Variants in GARS1 observed in about 807,000 individuals in gnomAD.
The protein encoded by GARS1 is glycine--tRNA ligase.
In GARS1, 46 loss-of-function variants were observed where a neutral mutation model predicts 86.4. That is an observed-to-expected ratio of 0.53 (90% CI 0.42 to 0.68). The LOEUF (loss-of-function observed/expected upper bound fraction) is 0.68. Among genes scored for constraint, GARS1 ranks in the 30% least tolerant of loss-of-function variants. GARS1 has a pLI of 0.00. For missense variants in GARS1, 797 were observed against 915.6 expected (o/e 0.87, Z 1.67); for synonymous variants, 342 against 329.8 (o/e 1.04, Z -0.40).
Position 30,616,056 on chromosome 7 carries a change from C to T in GARS1, c.1192C>T (p.Gln398Ter). 6.2e-7 allele frequency: 1 copy of T among 1,614,128 alleles called. No homozygotes were observed. The highest frequency in any genetic ancestry group is 8.5e-7 in the Non-Finnish European group (1 of 1,180,016). Reference protein sequence around the residue: ...RKMRLGDAVEQGVINNTVLGY... With the variant: ...RKMRLGDAVE ...AATGCGCCTGGGAGATGCTGTTGAACAGGTAGGATTCTGGAGGTAACTTAA... is the reference window on the plus strand; with the variant it reads ...AATGCGCCTGGGAGATGCTGTTGAATAGGTAGGATTCTGGAGGTAACTTAA... The change falls in exon 9 of 17, where the codon CAG becomes TAG. Residue 398 changes from glutamine to a stop codon, truncating the protein, a stop_gained and splice_region_variant. Transcript: ENST00000389266. LOFTEE classifies it high-confidence loss of function.
chr7:30,595,694 C>A, intron 1 of GARS1: 1 of 464,328 alleles, frequency 2.2e-6, no homozygotes, highest in Non-Finnish European at 4.5e-6. Flanking sequence ...TCATTCAGTG[C>A]TTAGTTTAGC....
intron 6 of GARS1, among the ~76,000 whole-genome samples, chr7:30,605,595 G>C (rs1791467444): frequency 6.6e-6 from 1 of 152,112 alleles, no homozygotes; most frequent in Non-Finnish European, 1.5e-5. Context: ...ATGGCTCACT[G>C]CAGCCAGGAC....
chr7:30,600,686 G>A (rs1182339812), intron 3 of GARS1, among the ~76,000 whole-genome samples: 1 of 152,132 alleles, frequency 6.6e-6, no homozygotes, highest in Non-Finnish European at 1.5e-5. Flanking sequence ...CAAATACCCA[G>A]GAAAAAATTA....
At chr7:30,600,170 A>G (rs1584023065) in intron 3 of GARS1, 121 bp downstream of exon 3, 1 of 759,232 alleles carries the variant, frequency 1.3e-6, no homozygotes, top group Non-Finnish European at 2.3e-6. Context: ...CAGAGGATGG[A>G]TGTTTTGCTT....
At chr7:30,628,744 T>C (rs1783180183) in intron 14 of GARS1, 75 bp downstream of exon 14, 2 of 890,646 alleles carry the variant, frequency 2.2e-6, no homozygotes, top group African/African-American at 1.7e-5. Context: ...TGAAGTACAT[T>C]AATAAGACTC....
chr7:30,601,003 C>T, intron 3 of GARS1, 56 bp from the exon 4 acceptor site: 1 of 1,555,622 alleles, frequency 6.4e-7, no homozygotes, highest in South Asian at 1.1e-5. Context: ...GTCTCCTTGC[C>T]TTCATTTGTT....
intron 14 of GARS1, chr7:30,631,118 T>C (rs946830724): frequency 3.3e-6 from 1 of 303,468 alleles, no homozygotes; most frequent in African/African-American, 2.2e-5. Flanking sequence ...TACAGTAGCT[T>C]TCAGAATGCT....
At chr7:30,607,112 G>T (rs1022987891) in intron 6 of GARS1, among the ~76,000 whole-genome samples, 5 of 152,186 alleles carry the variant, frequency 3.3e-5, no homozygotes, top group African/African-American at 1.2e-4. Context: ...TGCCAGCACT[G>T]TGTAGTCTTA....
chr7:30,608,805 T>C (rs1419895979), intron 6 of GARS1, among the ~76,000 whole-genome samples: 2 of 152,206 alleles, frequency 1.3e-5, no homozygotes, highest in Non-Finnish European at 2.9e-5. Context: ...ACTTAATCTT[T>C]AGTCACACAA....
intron 8 of GARS1, among the ~76,000 whole-genome samples, chr7:30,612,954 C>T (rs1322311968): frequency 1.3e-5 from 2 of 152,284 alleles, no homozygotes; most frequent in Non-Finnish European, 1.5e-5. Flanking sequence ...CTGGTATCAT[C>T]TCTTAGAGTA....
intron 13 of GARS1, among the ~76,000 whole-genome samples, chr7:30,626,663 C>G (rs1425515565): frequency 6.6e-6 from 1 of 152,180 alleles, no homozygotes; most frequent in Non-Finnish European, 1.5e-5. Context: ...CATTCCCTGT[C>G]TTCTTTGGCA....
At chr7:30,617,788 C>T (rs564689330) in intron 10 of GARS1, among the ~76,000 whole-genome samples, 1 of 152,322 alleles carries the variant, frequency 6.6e-6, no homozygotes, top group Non-Finnish European at 1.5e-5. Flanking sequence ...CAGGTACCCT[C>T]CTGCCCCTGT....
rs1379593914 is a variant in GARS1, at chr7:30,617,116, T to A, written c.1197T>A (p.Gly399=). Residue 399 remains glycine, a splice_region_variant and synonymous_variant, in exon 10 of 17, where the codon GGT becomes GGA. Coordinates refer to ENST00000389266, the MANE Select transcript of GARS1 (RefSeq NM_002047.4). The part of the protein sequence containing the change: ...KMRLGDAVEQ[G]VINNTVLGYF... ...TGCTTGCTTATTGGTTGGTTTAGGG[T>A]GTGATTAATAACACAGTATTAGGCT... 6.2e-7 allele frequency: 1 copy of A among 1,613,952 alleles called. No homozygotes were observed. The highest frequency in any genetic ancestry group is 8.5e-7 in the Non-Finnish European group (1 of 1,179,992).
intron 10 of GARS1, 53 bp downstream of exon 10, chr7:30,617,331 C>A: frequency 1.9e-6 from 3 of 1,581,824 alleles, no homozygotes; most frequent in Non-Finnish European, 2.6e-6. Context: ...CTTAGAAGCA[C>A]AGGTACCAAA....
At chr7:30,621,285 G>T (rs545308205) in intron 10 of GARS1, 108 bp from the exon 11 acceptor site, 2 of 908,848 alleles carry the variant, frequency 2.2e-6, no homozygotes, top group Admixed American at 1.8e-5. Flanking sequence ...TTATATCATC[G>T]AATTATCATT....
rs116391961 is a variant in GARS1, at chr7:30,629,184, G to T, written c.1809+515G>T. ...TAGGTCTGAGACCCAGGGATCTGGG[G>T]TTTTTTTAAAAAAAATAAGAATCCT... On this transcript the variant is annotated intron_variant, in intron 14 of 16. Coordinates refer to ENST00000389266, the MANE Select transcript of GARS1 (RefSeq NM_002047.4). Among the ~76,000 whole-genome samples, 1,065 of 152,122 alleles carry T rather than the reference G, an allele frequency of 7.0e-3. 3 individuals carry two copies. The highest frequency in any genetic ancestry group is 0.024 in the African/African-American group (1,000 of 41,470).
Position 30,621,476 on chromosome 7 carries a change from A to T in GARS1, c.1443A>T (p.Val481=). The part of the protein sequence containing the change: ...CHARATKVPL[V]AEKPLKEPKT... ...CACGAGCCACCAAAGTCCCACTTGTAGCTGAGAAACCTCTGAAAGAACCCA... is the reference window on the plus strand; with the variant it reads ...CACGAGCCACCAAAGTCCCACTTGTTGCTGAGAAACCTCTGAAAGAACCCA... The change falls in exon 11 of 17, where the codon GTA becomes GTT. Residue 481 remains valine, a synonymous_variant. Transcript: ENST00000389266. 1 of 1,614,166 alleles carries T rather than the reference A, an allele frequency of 6.2e-7. No individual in the cohort carries two copies. The highest frequency in any genetic ancestry group is 8.5e-7 in the Non-Finnish European group (1 of 1,180,002).
upstream of GARS1, chr7:30,594,798 G>A: frequency 3.8e-6 from 3 of 794,752 alleles, no homozygotes; most frequent in South Asian, 1.7e-5. Flanking sequence ...CGCGTCACGC[G>A]GTGGTGAATG....
chr7:30,616,148 T>C (rs1782886345), intron 9 of GARS1, 90 bp downstream of exon 9: 2 of 1,428,232 alleles, frequency 1.4e-6, no homozygotes, highest in African/African-American at 2.8e-5. Flanking sequence ...TGACAAGATA[T>C]TTTATTTTGG....
Sources: allele counts gnomAD v4.1 joint callset (sites outside exome capture counted in the v4.1 genomes callset), GRCh38; gene constraint gnomAD v4.1.1; transcripts MANE v1.5; gene names NCBI Gene and HGNC (gene_info 2026-07-23, HGNC 2026-07-21).